SETBP1: variants seen among roughly 807,000 people sequenced by gnomAD.
SETBP1 encodes the protein SET binding protein 1, also known as SET-binding protein.
Under a neutral mutation model 101.0 loss-of-function variants are expected in SETBP1, and 9 were observed. The ratio of observed to expected loss-of-function variants is 0.09; its 90% CI spans 0.05 to 0.16. The LOEUF is 0.16. Among genes scored for constraint, SETBP1 ranks in the 10% least tolerant of loss-of-function variants. The pLI is 1.00. For missense variants in SETBP1, 1,858 were observed against 2,033.8 expected (o/e 0.91, Z 1.66); for synonymous variants, 818 against 788.5 (o/e 1.04, Z -0.63).
chr18:44,919,350 T>A (rs2144923947), intron 3 of SETBP1, among the ~76,000 whole-genome samples: 1 of 150,198 alleles, frequency 6.7e-6, no homozygotes, highest in Admixed American at 6.6e-5. Flanking sequence ...CCCCCATCTT[T>A]TTTTTTTTTT....
rs564430097 is a variant in SETBP1 at position 44,816,933 on chromosome 18, C to T, written c.487-52297C>T. On this transcript the variant is annotated intron_variant, in intron 2 of 5. Transcript: ENST00000649279. ...ATGCATTAAACATGTATCCAGCCAG[C>T]GATTTAGGGAAATTGACGATCTTCT... Among the ~76,000 whole-genome samples, 3 of 152,260 alleles carry T rather than the reference C, an allele frequency of 2.0e-5. No homozygotes were observed. The East Asian group carries it at 5.8e-4, about 29-fold the overall frequency.
At chr18:44,925,747 A>G (rs2070691807) in intron 3 of SETBP1, among the ~76,000 whole-genome samples, 1 of 152,246 alleles carries the variant, frequency 6.6e-6, no homozygotes, top group Non-Finnish European at 1.5e-5. Flanking sequence ...AATAACAAAC[A>G]ACAGCAATAA....
intron 2 of SETBP1, among the ~76,000 whole-genome samples, chr18:44,789,941 G>T (rs1367008113): frequency 6.6e-6 from 1 of 152,162 alleles, no homozygotes; most frequent in African/African-American, 2.4e-5. Flanking sequence ...AAGTCATTGT[G>T]TGACAAGCTG....
At chr18:44,809,037 C>T (rs1329203805) in intron 2 of SETBP1, among the ~76,000 whole-genome samples, 1 of 152,166 alleles carries the variant, frequency 6.6e-6, no homozygotes, top group African/African-American at 2.4e-5. Flanking sequence ...CTTTTCTTTT[C>T]CCAGTGAGAA....
At chr18:44,702,722 C>G (rs2069138847) in intron 2 of SETBP1, among the ~76,000 whole-genome samples, 1 of 151,892 alleles carries the variant, frequency 6.6e-6, no homozygotes, top group Admixed American at 6.6e-5. Flanking sequence ...ACTCACCTGA[C>G]TAAGGAAACC....
intron 3 of SETBP1, among the ~76,000 whole-genome samples, chr18:44,916,932 C>T (rs985872120): frequency 6.6e-5 from 10 of 152,218 alleles, no homozygotes; most frequent in Non-Finnish European, 1.0e-4. Context: ...AACCTGGTAA[C>T]ACAGATTTTG....
At chr18:44,809,717 G>A (rs1413406791) in intron 2 of SETBP1, among the ~76,000 whole-genome samples, 1 of 152,202 alleles carries the variant, frequency 6.6e-6, no homozygotes, top group Non-Finnish European at 1.5e-5. Context: ...GGTGAGGGGT[G>A]AAAGGAGCAG....
intron 3 of SETBP1, among the ~76,000 whole-genome samples, chr18:44,918,273 G>A (rs1358078149): frequency 3.9e-5 from 6 of 152,192 alleles, no homozygotes; most frequent in Non-Finnish European, 8.8e-5. Context: ...ATGCACTTAT[G>A]GGGCAAGGGT....
intron 4 of SETBP1, among the ~76,000 whole-genome samples, chr18:44,992,461 G>A (rs904848190): frequency 6.6e-6 from 1 of 151,978 alleles, no homozygotes; most frequent in African/African-American, 2.4e-5. Flanking sequence ...GGAGCAAGGG[G>A]AAGGATAGAA....
chr18:44,735,230 A>C (rs2069938355), intron 2 of SETBP1, among the ~76,000 whole-genome samples: 1 of 152,250 alleles, frequency 6.6e-6, no homozygotes, highest in Non-Finnish European at 1.5e-5. Flanking sequence ...AAATCAATTG[A>C]GGATACAGAC....
At chr18:44,822,241 G>A (rs1599175357) in intron 2 of SETBP1, among the ~76,000 whole-genome samples, 1 of 152,238 alleles carries the variant, frequency 6.6e-6, no homozygotes, top group Non-Finnish European at 1.5e-5. Flanking sequence ...ATTTTGAGAA[G>A]AAAGTTATTG....
At chr18:44,784,783 C>T (rs192742492) in intron 2 of SETBP1, among the ~76,000 whole-genome samples, 23 of 152,224 alleles carry the variant, frequency 1.5e-4, no homozygotes, top group Non-Finnish European at 2.6e-4. Context: ...CTCAAGAGTA[C>T]GTAGTCAATG....
intron 4 of SETBP1, among the ~76,000 whole-genome samples, chr18:45,016,733 A>ACG (rs2072950884): frequency 1.4e-5 from 1 of 69,064 alleles, no homozygotes; most frequent in Non-Finnish European, 2.7e-5. Flanking sequence ...TGGTGCGCGC[A>ACG]CACACACACA....
In SETBP1 at chr18:44,983,230, G is replaced by A. The variant is rs143644979; in HGVS notation, c.4000+29890G>A. Among the ~76,000 whole-genome samples, 674 of 152,214 alleles carry A rather than the reference G, an allele frequency of 4.4e-3. 7 individuals are homozygous for A. The highest frequency in any genetic ancestry group is 0.016 in the African/African-American group (647 of 41,520). ...TTCTTCAAGCAGACAGATTTTGTGC[G>A]TATCAAAACGTGATTGGGGAAAAAC... On this transcript the variant is annotated intron_variant, in intron 4 of 5. Coordinates refer to ENST00000649279, the MANE Select transcript of SETBP1 (RefSeq NM_015559.3).
At chr18:44,700,966 T>C (rs1302929044) in intron 1 of SETBP1, among the ~76,000 whole-genome samples, 1 of 152,188 alleles carries the variant, frequency 6.6e-6, no homozygotes, top group Non-Finnish European at 1.5e-5. Context: ...TTAATAGCAA[T>C]CCATTATGAA....
intron 2 of SETBP1, among the ~76,000 whole-genome samples, chr18:44,856,785 A>G (rs1327579657): frequency 6.6e-6 from 1 of 152,228 alleles, no homozygotes; most frequent in East Asian, 1.9e-4. Flanking sequence ...AGTAGAGAGA[A>G]TGGCCACTGC....
At chr18:45,039,743 T>C (rs1416777262) in intron 5 of SETBP1, among the ~76,000 whole-genome samples, 1 of 152,224 alleles carries the variant, frequency 6.6e-6, no homozygotes, top group African/African-American at 2.4e-5. Context: ...TAGTCCAAAT[T>C]CATTTTTCAA....
chr18:44,757,802 T>C (rs1375763605), intron 2 of SETBP1, among the ~76,000 whole-genome samples: 1 of 152,174 alleles, frequency 6.6e-6, no homozygotes, highest in Non-Finnish European at 1.5e-5. Context: ...GAAAGTATTA[T>C]AGGAAGCAAT....
intron 2 of SETBP1, among the ~76,000 whole-genome samples, chr18:44,775,383 G>A (rs79093588): frequency 0.02 from 3,092 of 152,284 alleles, 41 homozygotes; most frequent in South Asian, 0.043. Flanking sequence ...CATAGCCTGG[G>A]AAGGCAGGAA....
Sources: allele counts gnomAD v4.1 joint callset (sites outside exome capture counted in the v4.1 genomes callset), GRCh38; gene constraint gnomAD v4.1.1; transcripts MANE v1.5; gene names NCBI Gene and HGNC (gene_info 2026-07-23, HGNC 2026-07-21).